The following RPP21 variants were observed in gnomAD, a reference collection of about 807,000 sequenced individuals.
RPP21 encodes the protein ribonuclease P protein subunit p21.
Under a neutral mutation model 19.0 loss-of-function variants are expected in RPP21, and 21 were observed. The ratio of observed to expected loss-of-function variants is 1.11; its 90% confidence interval spans 0.78 to 1.59. RPP21 has a LOEUF of 1.59. Among genes scored for constraint, RPP21 ranks in the 40% most tolerant of loss-of-function variants. The pLI is 0.00. For synonymous variants in RPP21, 93 were observed against 78.7 expected (o/e 1.18, Z -0.96); for missense variants, 215 against 200.2 (o/e 1.07, Z -0.45).
At position 30,345,579 on chromosome 6, in the gene RPP21, T is replaced by A; in HGVS notation, c.241+6T>A. The A allele has an allele frequency of 1.5e-6, 2 of 1,356,478 alleles. No homozygotes were observed. The highest frequency in any genetic ancestry group is 1.9e-6 in the Non-Finnish European group (2 of 1,028,436). The allele number at this position is 1,356,478 out of a possible 1,614,324, so 84.0% of individuals were successfully genotyped here. A position where few individuals can be genotyped will look rare whatever the true frequency, so the allele number is the denominator to read the frequency against. On this transcript the variant is annotated splice_donor_region_variant and intron_variant, in intron 3 of 4. Transcript: ENST00000442966. ...CTGCACCCAGCGCCAGAGACGTGAG[T>A]GCTCCAACGGAGGTGGAAGACTGCG...
rs1013203448 is a variant in RPP21 at position 30,346,341 on chromosome 6, G to A, written c.242-91G>A. The A allele has an allele frequency of 2.2e-5, 35 of 1,559,332 alleles. No individual in the cohort carries two copies. In the African/African-American group the frequency reaches 3.1e-4, roughly 14 times the overall value. ...AATTGGGGGTGTGGTGGGGGAGCGG[G>A]GATACCTACTGAAAAACACTGGAGG... On this transcript the variant is annotated intron_variant, in intron 3 of 4. Coordinates refer to ENST00000442966, the MANE Select transcript of RPP21 (RefSeq NM_024839.4). The surrounding 1 kb of genome is among the most constrained non-coding windows in gnomAD (Gnocchi z 4.7).
intron 3 of RPP21, chr6:30,345,908 C>T: frequency 1.2e-5 from 4 of 325,364 alleles, no homozygotes; most frequent in Non-Finnish European, 2.2e-5. Flanking sequence ...TAAGCAAATA[C>T]TTATTTTCTA....
Position 30,346,603 on chromosome 6 carries a change from C to A in RPP21, c.367+46C>A. The stretch of plus-strand genomic sequence containing the variant: ...TGGAGGACACCCCAGAGGATAGGGA[C>A]AATGGAGAACGTAGAGTGAAGAGGA... On this transcript the variant is annotated intron_variant, in intron 4 of 4. Transcript: ENST00000442966. This position sits in a 1 kb window ranked among gnomAD's most constrained non-coding sequence, Gnocchi z 4.7. The A allele has an allele frequency of 6.2e-7, 1 of 1,613,972 alleles. No individual in the cohort carries two copies. Among genetic ancestry groups the A allele is most frequent in the South Asian group, 1.1e-5 (1 of 91,064 alleles).
Position 30,346,742 on chromosome 6 carries a change from A to G in RPP21, c.397A>G (p.Thr133Ala). ...CAAACCACTACAACCCTTGCCAAAC[A>G]CAGCCCACTCCATTTCAGACCGCCT... is the stretch of plus-strand genomic sequence containing the variant. ...DSKPLQPLPN[T>A]AHSISDRLPE... The change falls in exon 5 of 5, where the codon ACA becomes GCA. Residue 133 changes from threonine to alanine, a missense_variant. Transcript: ENST00000442966. This position sits in a 1 kb window ranked among gnomAD's most constrained non-coding sequence, Gnocchi z 4.7. The G allele has an allele frequency of 6.2e-7, 1 of 1,613,360 alleles. No homozygotes were observed. The highest frequency in any genetic ancestry group is 8.5e-7 in the Non-Finnish European group (1 of 1,180,034).
chr6:30,346,416 C>G lies in RPP21; in HGVS notation c.242-16C>G. 1 of 1,607,576 alleles carries G rather than the reference C, an allele frequency of 6.2e-7. No homozygotes were observed. Among genetic ancestry groups the G allele is most frequent in the Non-Finnish European group, 8.5e-7 (1 of 1,175,744 alleles). On this transcript the variant is annotated splice_polypyrimidine_tract_variant and intron_variant, in intron 3 of 4. Transcript: ENST00000442966. The surrounding 1 kb of genome is among the most constrained non-coding windows in gnomAD (Gnocchi z 4.7). ...ACTTCTAAACGTGGACAGTCTTTTT[C>G]CCATGTTCACCCTAGGCTGCAGGGG... is the stretch of plus-strand genomic sequence containing the variant.
Position 30,346,617 on chromosome 6 carries a change from G to A in RPP21, c.367+60G>A. 32 of 1,613,988 alleles carry A rather than the reference G, an allele frequency of 2.0e-5. No homozygotes were observed. Among genetic ancestry groups the A allele is most frequent in the Non-Finnish European group, 2.5e-5 (29 of 1,179,852 alleles). ...GAGGATAGGGACAATGGAGAACGTAGAGTGAAGAGGACACATGGACAGGTT... is the reference window on the plus strand; with the variant it reads ...GAGGATAGGGACAATGGAGAACGTAAAGTGAAGAGGACACATGGACAGGTT... On this transcript the variant is annotated intron_variant, in intron 4 of 4. Transcript: ENST00000442966. This position sits in a 1 kb window ranked among gnomAD's most constrained non-coding sequence, Gnocchi z 4.7.
In RPP21 at chr6:30,345,510, ACT is replaced by A. The variant is rs761292362; in HGVS notation, c.183_184del (p.Cys62SerfsTer42). On this transcript the variant is annotated frameshift_variant, in exon 3 of 5. Transcript: ENST00000442966. LOFTEE classifies it high-confidence loss of function. ...VLRRDPSVKR[T>X]LCRGCSSLLV... Reference sequence around the variant, plus strand: ...CCCCAGGGATCCCTCGGTGAAGAGGACTCTCTGTCGAGGCTGCTCTTCCCTCC... The same window carrying A: ...CCCCAGGGATCCCTCGGTGAAGAGGACTCTGTCGAGGCTGCTCTTCCCTCC... The A allele has an allele frequency of 1.8e-5, 29 of 1,602,278 alleles. No individual in the cohort carries two copies. Among genetic ancestry groups the A allele is most frequent in the Admixed American group, 3.4e-5 (2 of 58,986 alleles).
chr6:30,346,790 C>G lies in RPP21; in HGVS notation c.445C>G (p.Gln149Glu). The G allele has an allele frequency of 6.2e-7, 1 of 1,612,806 alleles. No individual in the cohort carries two copies. The highest frequency in any genetic ancestry group is 8.5e-7 in the Non-Finnish European group (1 of 1,179,958). The change falls in exon 5 of 5, where the codon CAG becomes GAG. Residue 149 changes from glutamine (Q) to glutamate (E), a missense_variant. By Grantham distance (29) the Gln-to-Glu change is conservative (BLOSUM62 2). Coordinates refer to ENST00000442966, the MANE Select transcript of RPP21 (RefSeq NM_024839.4). This position sits in a 1 kb window ranked among gnomAD's most constrained non-coding sequence, Gnocchi z 4.7. ...CCTTCCTGAGGAGAAAATGCAGACT[C>G]AGGGTTCCAGTAACCAGTGATGGAT... The part of the protein sequence containing the change: ...DRLPEEKMQT[Q>E]GSSNQ
At chr6:30,345,729 T>A in intron 3 of RPP21, 156 bp downstream of exon 3, 2 of 925,440 alleles carry the variant, frequency 2.2e-6, no homozygotes, top group Non-Finnish European at 3.1e-6. Flanking sequence ...GGGTTTGGAT[T>A]AAGTTCCTAA....
rs770815410 is a variant in RPP21, at chr6:30,345,237, G to C, written c.57+9G>C. 1 of 1,610,042 alleles carries C rather than the reference G, an allele frequency of 6.2e-7. No individual in the cohort carries two copies. Reference sequence around the variant, plus strand: ...TCAACTTCCTGTACCAGGTGAGTCTGCGACAAGGGCCCCACGGGGACGGTG... The same window carrying C: ...TCAACTTCCTGTACCAGGTGAGTCTCCGACAAGGGCCCCACGGGGACGGTG... On this transcript the variant is annotated intron_variant, in intron 1 of 4. Coordinates refer to ENST00000442966, the MANE Select transcript of RPP21 (RefSeq NM_024839.4).
rs1223089853 is a variant in RPP21 at position 30,345,489 on chromosome 6, A to G, written c.159-2A>G. The stretch of plus-strand genomic sequence containing the variant: ...CAGACCACTATCCTCCTCCGCCCCC[A>G]GGGATCCCTCGGTGAAGAGGACTCT... On this transcript the variant is annotated splice_acceptor_variant, in intron 2 of 4. Transcript: ENST00000442966. LOFTEE classifies it high-confidence loss of function. 6.2e-7 allele frequency: 1 copy of G among 1,609,176 alleles called. No homozygotes were observed. The highest frequency in any genetic ancestry group is 1.1e-5 in the South Asian group (1 of 90,598).
rs113689620 is a variant in RPP21, at chr6:30,345,230, T to A, written c.57+2T>A. The A allele has an allele frequency of 6.2e-7, 1 of 1,607,360 alleles. No homozygotes were observed. The highest frequency in any genetic ancestry group is 8.5e-7 in the Non-Finnish European group (1 of 1,177,340). ...CAGAGGCTCAACTTCCTGTACCAGG[T>A]GAGTCTGCGACAAGGGCCCCACGGG... On this transcript the variant is annotated splice_donor_variant, in intron 1 of 4. Transcript: ENST00000442966. LOFTEE classifies it high-confidence loss of function.
rs776228308 is a variant in RPP21 at position 30,345,239 on chromosome 6, G to T, written c.57+11G>T. 3.1e-6 allele frequency: 5 copies of T among 1,610,606 alleles called. No homozygotes were observed. Among genetic ancestry groups the T allele is most frequent in the Non-Finnish European group, 4.2e-6 (5 of 1,178,686 alleles). ...AACTTCCTGTACCAGGTGAGTCTGC[G>T]ACAAGGGCCCCACGGGGACGGTGCT... is the stretch of plus-strand genomic sequence containing the variant. On this transcript the variant is annotated intron_variant, in intron 1 of 4. Coordinates refer to ENST00000442966, the MANE Select transcript of RPP21 (RefSeq NM_024839.4).
rs769248075 is a variant in RPP21, at chr6:30,345,354, C to G, written c.114C>G (p.Tyr38Ter). Reference sequence around the variant, plus strand: ...AGAACCAGGCGCTGGCGAGGTTTTACTGCTACACTGAGAGGACCATTGCGA... The same window carrying G: ...AGAACCAGGCGCTGGCGAGGTTTTAGTGCTACACTGAGAGGACCATTGCGA... ...DPENQALARFYCYTERTIAKR... is the reference protein window; with the variant it reads ...DPENQALARF Residue 38 changes from tyrosine to a stop codon, truncating the protein, a stop_gained, in exon 2 of 5, where the codon TAC (tyrosine) becomes TAG (stop). Coordinates refer to ENST00000442966, the MANE Select transcript of RPP21 (RefSeq NM_024839.4). LOFTEE classifies it high-confidence loss of function. 1 of 1,613,250 alleles carries G rather than the reference C, an allele frequency of 6.2e-7. No individual in the cohort carries two copies.
Position 30,346,365 on chromosome 6 carries a change from G to A in RPP21, c.242-67G>A. ...GGGATACCTACTGAAAAACACTGGA[G>A]GCAAAACTGGCAGCAAGAGACCGTT... On this transcript the variant is annotated intron_variant, in intron 3 of 4. Coordinates refer to ENST00000442966, the MANE Select transcript of RPP21 (RefSeq NM_024839.4). The surrounding 1 kb of genome is among the most constrained non-coding windows in gnomAD (Gnocchi z 4.7). 6.3e-7 allele frequency: 1 copy of A among 1,578,674 alleles called. No individual in the cohort carries two copies. Among genetic ancestry groups the A allele is most frequent in the South Asian group, 1.1e-5 (1 of 87,326 alleles).
intron 2 of RPP21, 40 bp from the exon 3 acceptor site, chr6:30,345,451 G>C: frequency 2.5e-6 from 4 of 1,611,200 alleles, no homozygotes; most frequent in Non-Finnish European, 3.4e-6. Flanking sequence ...AACGCGAGAG[G>C]GAGCGCGGGC....
At position 30,345,168 on chromosome 6, in the gene RPP21, G is replaced by A. The variant is rs371403510; in HGVS notation, c.-4G>A. The A allele has an allele frequency of 7.9e-5, 124 of 1,561,496 alleles. No individual in the cohort carries two copies. In the African/African-American group the frequency reaches 9.1e-4, roughly 12 times the overall value. On this transcript the variant is annotated 5_prime_UTR_variant, in exon 1 of 5. Coordinates refer to ENST00000442966, the MANE Select transcript of RPP21 (RefSeq NM_024839.4). Reference sequence around the variant, plus strand: ...GCTGCGGGAGGCCCTGGAGCGCGGCGGTGATGGCGGGGCCGGTGAAGGACC... The same window carrying A: ...GCTGCGGGAGGCCCTGGAGCGCGGCAGTGATGGCGGGGCCGGTGAAGGACC...
Position 30,346,231 on chromosome 6 carries a change from T to G in RPP21, c.242-201T>G. 1.1e-6 allele frequency: 1 copy of G among 904,310 alleles called. No individual in the cohort carries two copies. Among genetic ancestry groups the G allele is most frequent in the Non-Finnish European group, 1.6e-6 (1 of 627,816 alleles). The allele number at this position is 904,310 out of a possible 1,614,324, so 56.0% of individuals were successfully genotyped here. ...AAACAGGCCAGTTCTTGAAGTCTTGTTAGGGAGTTTGAACTTTATCTTAAA... is the reference window on the plus strand; with the variant it reads ...AAACAGGCCAGTTCTTGAAGTCTTGGTAGGGAGTTTGAACTTTATCTTAAA... On this transcript the variant is annotated intron_variant, in intron 3 of 4. Coordinates refer to ENST00000442966, the MANE Select transcript of RPP21 (RefSeq NM_024839.4). The surrounding 1 kb of genome is among the most constrained non-coding windows in gnomAD (Gnocchi z 4.7).
In RPP21 at chr6:30,345,512, T is replaced by C. The variant is rs1308711482; in HGVS notation, c.180T>C (p.Thr60=). 4.4e-6 allele frequency: 7 copies of C among 1,602,724 alleles called. No homozygotes were observed. Among genetic ancestry groups the C allele is most frequent in the African/African-American group, 1.3e-5 (1 of 74,750 alleles). ...CCAGGGATCCCTCGGTGAAGAGGAC[T>C]CTCTGTCGAGGCTGCTCTTCCCTCC... is the stretch of plus-strand genomic sequence containing the variant. ...VLRRDPSVKR[T]LCRGCSSLLV... Residue 60 remains threonine (T), a synonymous_variant, in exon 3 of 5, where the codon ACT becomes ACC. Transcript: ENST00000442966.
Sources: allele counts gnomAD v4.1 joint callset, GRCh38; gene constraint gnomAD v4.1.1; non-coding constraint Gnocchi (gnomAD v3.1); transcripts MANE v1.5; gene names NCBI Gene and HGNC (gene_info 2026-07-23, HGNC 2026-07-21).